Variants in SYN3 observed in about 807,000 individuals in gnomAD.
SYN3 encodes the protein synapsin-3.
SYN3 carries 35 observed loss-of-function variants against 65.8 expected under a neutral mutation model. The observed-to-expected ratio is 0.53, with a 90% confidence interval of 0.41 to 0.70. The LOEUF is 0.70. SYN3 is among the 30% of genes least tolerant of loss of function. SYN3 has a pLI of 0.00. For missense variants in SYN3, 680 were observed against 749.0 expected (o/e 0.91, Z 1.08); for synonymous variants, 270 against 292.9 (o/e 0.92, Z 0.80).
At chr22:32,640,648 C>T (rs2059882795) in intron 6 of SYN3, among the ~76,000 whole-genome samples, 1 of 151,996 alleles carries the variant, frequency 6.6e-6, no homozygotes, top group Admixed American at 6.6e-5. Context: ...GGGCGGGTCA[C>T]AAGGTCAGGA....
intron 4 of SYN3, among the ~76,000 whole-genome samples, chr22:32,875,563 T>C (rs753342354): frequency 2.0e-5 from 3 of 152,174 alleles, no homozygotes; most frequent in Non-Finnish European, 2.9e-5. Context: ...TTTGCAAATA[T>C]AATCAAGTTA....
rs769722431 is a variant in SYN3, at chr22:32,511,530, A to C, written c.*2162T>G. On this transcript the variant is annotated 3_prime_UTR_variant, in exon 14 of 14. Coordinates refer to ENST00000358763, the MANE Select transcript of SYN3 (RefSeq NM_003490.4). The stretch of plus-strand genomic sequence containing the variant: ...GGGAGATGTGTTACTGGGCAGAGTG[A>C]GCTCCAGACATGCCAGACATGCAGG... Among the ~76,000 whole-genome samples, 2 of 152,190 alleles carry C rather than the reference A, an allele frequency of 1.3e-5. No individual in the cohort carries two copies. The highest frequency in any genetic ancestry group is 4.8e-5 in the African/African-American group (2 of 41,442).
chr22:33,004,685 C>T (rs2053153415), intron 2 of SYN3, among the ~76,000 whole-genome samples: 1 of 152,202 alleles, frequency 6.6e-6, no homozygotes, highest in Non-Finnish European at 1.5e-5. Context: ...AACTAACTTG[C>T]TTTTGATTTT....
chr22:33,034,692 C>A (rs1445161219), intron 1 of SYN3, among the ~76,000 whole-genome samples: 1 of 152,188 alleles, frequency 6.6e-6, no homozygotes, highest in East Asian at 1.9e-4. Flanking sequence ...CATCATTCCT[C>A]ACACAACCCC....
At chr22:32,546,819 C>A (rs1288284962) in intron 7 of SYN3, among the ~76,000 whole-genome samples, 1 of 152,108 alleles carries the variant, frequency 6.6e-6, no homozygotes, top group East Asian at 1.9e-4. Flanking sequence ...CCAAAACAGA[C>A]CCACCCACAC....
chr22:32,531,426 C>T (rs1241333921), intron 10 of SYN3, among the ~76,000 whole-genome samples: 1 of 152,154 alleles, frequency 6.6e-6, no homozygotes, highest in African/African-American at 2.4e-5. Context: ...TGGAAAACAG[C>T]CACCGCAAGG....
intron 6 of SYN3, among the ~76,000 whole-genome samples, chr22:32,686,538 G>C (rs2147134640): frequency 6.7e-6 from 1 of 149,676 alleles, no homozygotes; most frequent in African/African-American, 2.5e-5. Flanking sequence ...TAGAGCCATT[G>C]AGTTTGGTGC....
chr22:32,829,158 T>C (rs1255246355), intron 6 of SYN3, among the ~76,000 whole-genome samples: 1 of 152,130 alleles, frequency 6.6e-6, no homozygotes, highest in African/African-American at 2.4e-5. Context: ...CGGCACTTCT[T>C]AGCAGCTCCC....
chr22:32,976,169 C>A (rs765000729), intron 3 of SYN3, among the ~76,000 whole-genome samples: 9 of 152,234 alleles, frequency 5.9e-5, no homozygotes, highest in Non-Finnish European at 1.0e-4. Context: ...CTCCCCTGGA[C>A]AGTTTCCTAA....
At chr22:32,936,483 AAAAAATAAAAC>A (rs1250367458) in intron 3 of SYN3, among the ~76,000 whole-genome samples, 1 of 146,862 alleles carries the variant, frequency 6.8e-6, no homozygotes, top group Non-Finnish European at 1.5e-5. Flanking sequence ...ATCTGCAGAG[AAAAAATAAAAC>A]AAACAAACAA....
chr22:32,676,528 C>CTTTTTTTTTTTTTT (rs879196572), intron 6 of SYN3, among the ~76,000 whole-genome samples: 51 of 88,940 alleles, frequency 5.7e-4, no homozygotes, highest in Non-Finnish European at 8.2e-4. Flanking sequence ...TCTTTTCTTT[C>CTTTTTTTTTTTTTT]TTTTTTTTTT....
chr22:32,528,005 C>A lies in SYN3; in HGVS notation c.1231G>T (p.Ala411Ser). ...GTAPSPLRPW[A>S]PQIKSAKSPG... Reference sequence around the variant, plus strand: ...GATTTCGCTGATTTAATCTGTGGAGCCTAGAGCAGAAGAGAAAAGAAGCCT... The same window carrying A: ...GATTTCGCTGATTTAATCTGTGGAGACTAGAGCAGAAGAGAAAAGAAGCCT... The change falls in exon 12 of 14, where the codon GCT (alanine) becomes TCT (serine). Residue 411 changes from alanine (A) to serine (S), a missense_variant and splice_region_variant. Ala to Ser is a moderately conservative substitution (Grantham distance 99). Coordinates refer to ENST00000358763, the MANE Select transcript of SYN3 (RefSeq NM_003490.4). 1.9e-6 allele frequency: 3 copies of A among 1,562,064 alleles called. No individual in the cohort carries two copies. Among genetic ancestry groups the A allele is most frequent in the Admixed American group, 1.9e-5 (1 of 52,818 alleles).
intron 6 of SYN3, among the ~76,000 whole-genome samples, chr22:32,686,838 G>A (rs1329503220): frequency 1.3e-5 from 2 of 151,860 alleles, no homozygotes; most frequent in African/African-American, 2.4e-5. Context: ...CAGGTGATCC[G>A]CCTGCCTCAG....
chr22:32,985,057 C>G (rs2052483059), intron 2 of SYN3, among the ~76,000 whole-genome samples: 1 of 152,136 alleles, frequency 6.6e-6, no homozygotes, highest in South Asian at 2.1e-4. Flanking sequence ...TGGATAGGAC[C>G]CCAACTCCTC....
At chr22:32,938,859 C>T (rs776158562) in intron 3 of SYN3, among the ~76,000 whole-genome samples, 12 of 143,674 alleles carry the variant, frequency 8.4e-5, no homozygotes, top group South Asian at 2.2e-4. Context: ...ACATGGGATG[C>T]GGAGGTTGCA....
At chr22:32,516,343 T>TTTGA (rs771874240) in intron 13 of SYN3, among the ~76,000 whole-genome samples, 34 of 140,362 alleles carry the variant, frequency 2.4e-4, no homozygotes, top group African/African-American at 7.6e-4. Context: ...AACATACATC[T>TTTGA]TTGATTTATT....
intron 6 of SYN3, among the ~76,000 whole-genome samples, chr22:32,805,784 C>T (rs1342886203): frequency 6.6e-6 from 1 of 152,110 alleles, no homozygotes; most frequent in African/African-American, 2.4e-5. Context: ...AAAAACCTTT[C>T]AACTTTCATT....
intron 6 of SYN3, among the ~76,000 whole-genome samples, chr22:32,824,120 T>C (rs1402961797): frequency 6.6e-6 from 1 of 151,680 alleles, no homozygotes; most frequent in Non-Finnish European, 1.5e-5. Flanking sequence ...CTACTAAAAA[T>C]ACAAAAAATT....
chr22:32,607,813 T>G (rs1242083495), intron 6 of SYN3, among the ~76,000 whole-genome samples: 1 of 152,200 alleles, frequency 6.6e-6, no homozygotes, highest in Non-Finnish European at 1.5e-5. Context: ...AGGTTCAGTC[T>G]CCCATGAGGA....
Sources: allele counts gnomAD v4.1 joint callset (sites outside exome capture counted in the v4.1 genomes callset), GRCh38; gene constraint gnomAD v4.1.1; transcripts MANE v1.5; gene names NCBI Gene and HGNC (gene_info 2026-07-23, HGNC 2026-07-21).